Variants in UBE2QL1 observed in about 807,000 individuals in gnomAD.
UBE2QL1 encodes ubiquitin conjugating enzyme E2 QL1.
A neutral mutation model predicts 12.6 loss-of-function variants in UBE2QL1; 5 were observed. The ratio of observed to expected loss-of-function variants is 0.40; its 90% CI spans 0.21 to 0.83. The LOEUF is 0.83. Among genes scored for constraint, UBE2QL1 ranks in the 40% least tolerant of loss-of-function variants. The pLI is 0.37. For synonymous variants in UBE2QL1, 96 were observed against 94.5 expected (o/e 1.02, Z -0.10); for missense variants, 99 against 222.6 (o/e 0.44, Z 3.53).
chr5:6,489,664 G>A (rs532780712), intron 1 of UBE2QL1, among the ~76,000 whole-genome samples: 5 of 152,326 alleles, frequency 3.3e-5, no homozygotes, highest in African/African-American at 9.6e-5. Flanking sequence ...TCCACTCCAC[G>A]TTTCAGGTGG....
At chr5:6,453,276 A>G (rs187628375) in intron 1 of UBE2QL1, among the ~76,000 whole-genome samples, 26 of 152,338 alleles carry the variant, frequency 1.7e-4, no homozygotes, top group African/African-American at 5.5e-4. Flanking sequence ...ATGAGTGGCA[A>G]GGCTCTGAAA....
At position 6,448,925 on chromosome 5, in the gene UBE2QL1, G is replaced by C; in HGVS notation, c.32G>C (p.Ser11Thr). The change falls in exon 1 of 2, where the codon AGC (serine) becomes ACC (threonine). Residue 11 changes from serine to threonine, a missense_variant. Transcript: ENST00000399816. Reference protein sequence around the residue: MKELQDIARLSDRFISVELVD... With the variant: MKELQDIARLTDRFISVELVD... ...GAGCTGCAGGACATCGCGCGCCTTA[G>C]CGACCGCTTCATCTCCGTGGAGCTG... is the stretch of plus-strand genomic sequence containing the variant. The C allele has an allele frequency of 6.5e-7, 1 of 1,543,002 alleles. No individual in the cohort carries two copies. Among genetic ancestry groups the C allele is most frequent in the South Asian group, 1.2e-5 (1 of 82,558 alleles).
intron 1 of UBE2QL1, among the ~76,000 whole-genome samples, chr5:6,491,000 A>G (rs942079493): frequency 6.6e-6 from 1 of 152,184 alleles, no homozygotes; most frequent in Non-Finnish European, 1.5e-5. Context: ...CCCCTCCCCT[A>G]AAAGGCTGCC....
intron 1 of UBE2QL1, among the ~76,000 whole-genome samples, chr5:6,480,342 C>A (rs528849492): frequency 1.3e-5 from 2 of 152,192 alleles, no homozygotes; most frequent in South Asian, 4.1e-4. Context: ...TGGAGTGTCT[C>A]AGTATGGTTC....
intron 1 of UBE2QL1, among the ~76,000 whole-genome samples, chr5:6,460,159 C>T (rs1014394355): frequency 1.3e-5 from 2 of 152,162 alleles, no homozygotes; most frequent in African/African-American, 4.8e-5. Flanking sequence ...CGCCTTACCC[C>T]TTCTGAGTGT....
intron 1 of UBE2QL1, among the ~76,000 whole-genome samples, chr5:6,474,359 G>A (rs977703860): frequency 2.0e-5 from 3 of 152,230 alleles, no homozygotes; most frequent in East Asian, 3.9e-4. Context: ...CTTAGGAGAC[G>A]TTATTGAAAA....
rs1734569376 is a variant in UBE2QL1, at chr5:6,491,502, A to ATG, written c.*159_*160dup. On this transcript the variant is annotated 3_prime_UTR_variant, in exon 2 of 2. Coordinates refer to ENST00000399816, the MANE Select transcript of UBE2QL1 (RefSeq NM_001145161.3). ...AGACGTTTAAGTTATTTATGAAAAG[A>ATG]TGTGTGTACAGAGAGGAAGAGGGAG... The ATG allele has an allele frequency of 9.4e-7, 1 of 1,059,428 alleles. No individual in the cohort carries two copies. Among genetic ancestry groups the ATG allele is most frequent in the African/African-American group, 1.6e-5 (1 of 62,262 alleles). The allele number at this position is 1,059,428 out of a possible 1,614,324, so 65.6% of individuals were successfully genotyped here.
chr5:6,483,233 C>T (rs533053432), intron 1 of UBE2QL1, among the ~76,000 whole-genome samples: 1 of 152,044 alleles, frequency 6.6e-6, no homozygotes, highest in Non-Finnish European at 1.5e-5. Context: ...GTCAGGAGTT[C>T]AAGACTCACC....
rs28647229 is a variant in UBE2QL1 at position 6,479,863 on chromosome 5, G to A, written c.355-11355G>A. ...CCACGTCAGGCAGGTAGCGTGTGCC[G>A]AGGCCCCCACATGTGCTGCAAAGAC... On this transcript the variant is annotated intron_variant, in intron 1 of 1. Coordinates refer to ENST00000399816, the MANE Select transcript of UBE2QL1 (RefSeq NM_001145161.3). This position sits in a 1 kb window ranked among gnomAD's most constrained non-coding sequence, Gnocchi z 4.2. 0.032 allele frequency among the ~76,000 whole-genome samples: 4,919 copies of A among 152,240 alleles called. 276 individuals carry two copies. Among genetic ancestry groups the A allele is most frequent in the African/African-American group, 0.11 (4,639 of 41,518 alleles).
intron 1 of UBE2QL1, among the ~76,000 whole-genome samples, chr5:6,470,964 AC>A (rs1160181561): frequency 6.6e-6 from 1 of 152,078 alleles, no homozygotes; most frequent in African/African-American, 2.4e-5. Context: ...GGCCTCTCCA[AC>A]CCTGATGATT....
chr5:6,452,426 C>T, intron 1 of UBE2QL1, among the ~76,000 whole-genome samples: 1 of 152,094 alleles, frequency 6.6e-6, no homozygotes, highest in South Asian at 2.1e-4. Flanking sequence ...TTACTAAACC[C>T]TCTTTTGACT....
intron 1 of UBE2QL1, among the ~76,000 whole-genome samples, chr5:6,455,210 G>T (rs78484203): frequency 1.3e-5 from 2 of 152,158 alleles, no homozygotes; most frequent in Admixed American, 1.3e-4. Flanking sequence ...ATGTGCCCAT[G>T]TGGACACTAA....
At chr5:6,477,200 C>A (rs1289857283) in intron 1 of UBE2QL1, among the ~76,000 whole-genome samples, 4 of 152,262 alleles carry the variant, frequency 2.6e-5, no homozygotes, top group Non-Finnish European at 5.9e-5. Context: ...CCAGGCCTCA[C>A]TGGGCCTCAC....
chr5:6,480,463 C>A (rs925233520), intron 1 of UBE2QL1, among the ~76,000 whole-genome samples: 56 of 152,192 alleles, frequency 3.7e-4, no homozygotes, highest in Non-Finnish European at 7.3e-4. Flanking sequence ...ACTTACCTGT[C>A]TTAAAGTGCA....
rs1000698563 is a variant in UBE2QL1 at position 6,480,929 on chromosome 5, T to G, written c.355-10289T>G. Among the ~76,000 whole-genome samples the G allele has an allele frequency of 9.9e-5, 15 of 152,148 alleles. 1 individual carries two copies. The highest frequency in any genetic ancestry group is 8.5e-4 in the Admixed American group (13 of 15,280). ...TGGGGTGGCAAGCATTTCATAAACC[T>G]CTGGGGGTTACAGGTTGCTCTCTTT... On this transcript the variant is annotated intron_variant, in intron 1 of 1. Coordinates refer to ENST00000399816, the MANE Select transcript of UBE2QL1 (RefSeq NM_001145161.3).
At chr5:6,461,334 T>C (rs1739653464) in intron 1 of UBE2QL1, among the ~76,000 whole-genome samples, 1 of 152,076 alleles carries the variant, frequency 6.6e-6, no homozygotes. Flanking sequence ...TCTAGGGTTC[T>C]CCCCCAATCT....
intron 1 of UBE2QL1, among the ~76,000 whole-genome samples, chr5:6,460,234 A>G (rs1188971337): frequency 6.6e-6 from 1 of 152,250 alleles, no homozygotes; most frequent in Non-Finnish European, 1.5e-5. Flanking sequence ...GGCAAGGAGC[A>G]TAAACCCAAC....
At chr5:6,463,197 T>G (rs954326521) in intron 1 of UBE2QL1, among the ~76,000 whole-genome samples, 7 of 152,260 alleles carry the variant, frequency 4.6e-5, no homozygotes, top group Admixed American at 1.3e-4. Flanking sequence ...ATTGGTAGTA[T>G]TCTTAAAAAT....
chr5:6,450,493 G>A (rs1739393657), intron 1 of UBE2QL1, among the ~76,000 whole-genome samples: 1 of 152,168 alleles, frequency 6.6e-6, no homozygotes, highest in Non-Finnish European at 1.5e-5. Context: ...ATTGCTGTGT[G>A]GGCATCTTTT....
Sources: allele counts gnomAD v4.1 joint callset (sites outside exome capture counted in the v4.1 genomes callset), GRCh38; gene constraint gnomAD v4.1.1; non-coding constraint Gnocchi (gnomAD v3.1); transcripts MANE v1.5; gene names NCBI Gene and HGNC (gene_info 2026-07-23, HGNC 2026-07-21).